Variants in SHANK2 observed in about 807,000 individuals in gnomAD.
SHANK2 encodes the protein SH3 and multiple ankyrin repeat domains protein 2.
A neutral mutation model predicts 133.7 loss-of-function variants in SHANK2; 43 were observed. The ratio of observed to expected loss-of-function variants is 0.32; its 90% CI spans 0.25 to 0.41. The LOEUF (loss-of-function observed/expected upper bound fraction) is 0.41. Ranked by LOEUF, SHANK2 falls within the 10% of genes least tolerant of loss-of-function variation. The probability of loss-of-function intolerance (pLI) is 1.00; values close to 1 mark genes in which losing one functional copy is unlikely to be tolerated. For synonymous variants in SHANK2, 1,017 were observed against 952.8 expected, an observed-to-expected ratio of 1.07 and a Z score of -1.24; for missense variants, 1,994 against 2,235.8, an observed-to-expected ratio of 0.89 and a Z score of 2.18.
chr11:70,606,196 T>G (rs2060574441), intron 17 of SHANK2, among the ~76,000 whole-genome samples: 1 of 152,166 alleles, frequency 6.6e-6, no homozygotes, highest in Non-Finnish European at 1.5e-5. Flanking sequence ...TCAGCTCTTC[T>G]GGCTCCATTG....
chr11:70,718,112 C>T (rs781930056), intron 14 of SHANK2, among the ~76,000 whole-genome samples: 13 of 152,224 alleles, frequency 8.5e-5, no homozygotes, highest in East Asian at 1.9e-4. Flanking sequence ...GGGTGAAGGA[C>T]GCCTGAAAAA....
chr11:70,795,407 CTTTTTTTTTT>C (rs71049944), intron 14 of SHANK2, among the ~76,000 whole-genome samples: 2 of 128,458 alleles, frequency 1.6e-5, no homozygotes, highest in African/African-American at 5.9e-5. Context: ...CTTTCTTTTT[CTTTTTTTTTT>C]TTTTTTGAGA....
At position 71,118,869 on chromosome 11, in the gene SHANK2, T is replaced by G; in HGVS notation, c.371A>C (p.Glu124Ala). 6.4e-7 allele frequency: 1 copy of G among 1,551,648 alleles called. No homozygotes were observed. The change falls in exon 4 of 26, where the codon GAG becomes GCG. Residue 124 changes from glutamate (E) to alanine (A), a missense_variant. Glu to Ala is a moderately radical substitution (Grantham distance 107). This residue lies in a region of SHANK2 where 653 missense variants were observed against 563.4 expected (regional missense o/e 1.16). Transcript: ENST00000601538. ...GCCCTCACCCACGGGCTGTGGGTAC[T>G]CGCGCAGGAGCCGCTCCTCATCCAG... ...KFLDEERLLR[E>A]YPQPVGEGVP...
intron 22 of SHANK2, 58 bp from the exon 23 acceptor site, chr11:70,490,445 A>C: frequency 7.0e-7 from 1 of 1,433,144 alleles, no homozygotes; most frequent in Non-Finnish European, 9.8e-7. Context: ...ACCCACGGTC[A>C]CAGGGCCCAG....
At chr11:71,173,883 G>T (rs1555112665) in intron 2 of SHANK2, among the ~76,000 whole-genome samples, 2 of 152,214 alleles carry the variant, frequency 1.3e-5, no homozygotes, top group African/African-American at 4.8e-5. Flanking sequence ...AACATCCAGG[G>T]CTTCAAGAGG....
chr11:70,896,606 C>A (rs1325566496), intron 10 of SHANK2, 39 bp from the exon 11 acceptor site: 4 of 717,222 alleles, frequency 5.6e-6, no homozygotes, highest in African/African-American at 3.5e-5. Context: ...GTGTCACCTG[C>A]AGAACAATGA....
chr11:70,560,578 T>G (rs1554980615), intron 17 of SHANK2, among the ~76,000 whole-genome samples: 1 of 144,092 alleles, frequency 6.9e-6, no homozygotes, highest in Admixed American at 7.2e-5. Flanking sequence ...GCAAAACAAC[T>G]GTAAAAAAGG....
intron 12 of SHANK2, among the ~76,000 whole-genome samples, chr11:70,809,983 C>T (rs1555052831): frequency 6.6e-6 from 1 of 152,230 alleles, no homozygotes; most frequent in Non-Finnish European, 1.5e-5. Context: ...ATATGGAGCC[C>T]ACCGGGCACG....
chr11:71,215,438 C>G (rs560983584), intron 2 of SHANK2, among the ~76,000 whole-genome samples: 2 of 152,218 alleles, frequency 1.3e-5, no homozygotes, highest in African/African-American at 2.4e-5. Context: ...TGCCCATCAG[C>G]AGGGCTCAGG....
intron 17 of SHANK2, among the ~76,000 whole-genome samples, chr11:70,553,614 C>A (rs1481789179): frequency 6.6e-6 from 1 of 152,136 alleles, no homozygotes; most frequent in South Asian, 2.1e-4. Context: ...GTGGGACGCA[C>A]GTCAATTCAG....
intron 17 of SHANK2, among the ~76,000 whole-genome samples, chr11:70,592,491 C>A (rs1443053383): frequency 6.7e-6 from 1 of 149,130 alleles, no homozygotes; most frequent in East Asian, 1.9e-4. Context: ...CTCTGCATCC[C>A]AGCACACCCC....
At chr11:71,062,194 A>C (rs1242190793) in intron 9 of SHANK2, among the ~76,000 whole-genome samples, 1 of 151,966 alleles carries the variant, frequency 6.6e-6, no homozygotes, top group Non-Finnish European at 1.5e-5. Context: ...GGGCTCAAGC[A>C]ATCTGTCCAC....
rs1211741535 is a variant in SHANK2, at chr11:70,866,674, T to C, written c.1174+29827A>G. Among the ~76,000 whole-genome samples, 6 of 152,278 alleles carry C rather than the reference T, an allele frequency of 3.9e-5. No individual in the cohort carries two copies. The East Asian group carries it at 1.2e-3, about 29-fold the overall frequency. On this transcript the variant is annotated intron_variant, in intron 11 of 25. Coordinates refer to ENST00000601538, the MANE Select transcript of SHANK2 (RefSeq NM_012309.5). Reference sequence around the variant, plus strand: ...CTATCTCAGTAGGAATGACTTTTCTTATCAGTTCACGCAGGGGCCCGGAGA... The same window carrying C: ...CTATCTCAGTAGGAATGACTTTTCTCATCAGTTCACGCAGGGGCCCGGAGA...
chr11:70,706,857 G>C (rs1294311945), intron 14 of SHANK2, among the ~76,000 whole-genome samples: 1 of 152,142 alleles, frequency 6.6e-6, no homozygotes, highest in Non-Finnish European at 1.5e-5. Flanking sequence ...ATTTAAAATA[G>C]ACCTTTAAGC....
intron 2 of SHANK2, among the ~76,000 whole-genome samples, chr11:71,151,280 A>ACT (rs61506922): frequency 0.37 from 55,447 of 151,706 alleles, 12,819 homozygotes; most frequent in African/African-American, 0.66. Context: ...AGGAACCAAC[A>ACT]CTATGTCCAA....
chr11:70,893,242 T>C (rs1388761367), intron 11 of SHANK2, among the ~76,000 whole-genome samples: 2 of 152,186 alleles, frequency 1.3e-5, no homozygotes, highest in African/African-American at 2.4e-5. Flanking sequence ...TCTTAAACAA[T>C]GGGCAAAGAC....
intron 8 of SHANK2, among the ~76,000 whole-genome samples, chr11:71,080,750 C>T (rs909949205): frequency 7.4e-4 from 112 of 152,302 alleles, no homozygotes; most frequent in African/African-American, 2.5e-3. Context: ...AACAACGTCT[C>T]GTCCAAACAC....
At chr11:70,932,927 G>T (rs1281618230) in intron 10 of SHANK2, among the ~76,000 whole-genome samples, 1 of 152,224 alleles carries the variant, frequency 6.6e-6, no homozygotes, top group Non-Finnish European at 1.5e-5. Flanking sequence ...AATGTAAAAT[G>T]ATGCAGCTCC....
chr11:70,558,983 C>T (rs1434888396), intron 17 of SHANK2, among the ~76,000 whole-genome samples: 2 of 152,170 alleles, frequency 1.3e-5, no homozygotes, highest in Non-Finnish European at 2.9e-5. Flanking sequence ...TTCCTCATTT[C>T]GGAGACTCTT....
Sources: allele counts gnomAD v4.1 joint callset (sites outside exome capture counted in the v4.1 genomes callset), GRCh38; gene constraint gnomAD v4.1.1; regional missense constraint gnomAD v4.1.1; transcripts MANE v1.5; gene names NCBI Gene and HGNC (gene_info 2026-07-23, HGNC 2026-07-21).